ENPP6: variants seen among roughly 807,000 people sequenced by gnomAD.
ENPP6 encodes glycerophosphocholine cholinephosphodiesterase ENPP6.
In ENPP6, 32 loss-of-function variants were observed where a neutral mutation model predicts 42.0. That is an observed-to-expected ratio of 0.76 (90% confidence interval 0.58 to 1.02). The LOEUF is 1.02. Among genes scored for constraint, ENPP6 ranks in the 50% least tolerant of loss-of-function variants. The probability of loss-of-function intolerance (pLI) is 0.00; values close to 1 mark genes in which losing one functional copy is unlikely to be tolerated. For synonymous variants in ENPP6, 213 were observed against 216.0 expected, an observed-to-expected ratio of 0.99 and a Z score of 0.12; for missense variants, 552 against 566.8, an observed-to-expected ratio of 0.97 and a Z score of 0.27.
chr4:184,108,454 A>C (rs151173665), intron 6 of ENPP6, among the ~76,000 whole-genome samples: 1 of 152,350 alleles, frequency 6.6e-6, no homozygotes, highest in African/African-American at 2.4e-5. Context: ...ACAACGCAGA[A>C]ACGAGGATAT....
intron 1 of ENPP6, among the ~76,000 whole-genome samples, chr4:184,173,856 G>A (rs1351332764): frequency 5.9e-5 from 9 of 152,190 alleles, no homozygotes; most frequent in East Asian, 1.9e-4. Context: ...AATGAAACAC[G>A]TCACCACAGG....
chr4:184,181,563 A>G (rs1732551358), intron 1 of ENPP6, among the ~76,000 whole-genome samples: 1 of 152,236 alleles, frequency 6.6e-6, no homozygotes, highest in African/African-American at 2.4e-5. Flanking sequence ...AGACAATCCT[A>G]AGCAAAAAGA....
chr4:184,113,487 T>A (rs1480228678), intron 5 of ENPP6, among the ~76,000 whole-genome samples: 1 of 152,220 alleles, frequency 6.6e-6, no homozygotes, highest in African/African-American at 2.4e-5. Context: ...GTGTTCTGAG[T>A]ATAAAGGGTC....
rs761326877 is a variant in ENPP6, at chr4:184,116,979, G to A, written c.732C>T (p.Thr244=). The change falls in exon 5 of 8, where the codon ACC becomes ACT. Residue 244 remains threonine (T), a synonymous_variant. Coordinates refer to ENST00000296741, the MANE Select transcript of ENPP6 (RefSeq NM_153343.4). ...TCACTTTGTCCATCCAGAAAATGTC[G>A]GTCATTCCGTGATCCGAGAAAATAA... is the stretch of plus-strand genomic sequence containing the variant. ...NVIIFSDHGM[T]DIFWMDKVIE... is the part of the protein sequence containing the mutation. 1.9e-5 allele frequency: 30 copies of A among 1,613,988 alleles called. No individual in the cohort carries two copies. The highest frequency in any genetic ancestry group is 1.6e-4 in the Middle Eastern group (1 of 6,084).
intron 1 of ENPP6, among the ~76,000 whole-genome samples, chr4:184,157,928 C>G (rs1737201109): frequency 6.6e-6 from 1 of 152,058 alleles, no homozygotes; most frequent in Non-Finnish European, 1.5e-5. Context: ...CCAAGTTTCT[C>G]TTTAACAGTG....
At chr4:184,155,726 T>C (rs1350705669) in intron 1 of ENPP6, among the ~76,000 whole-genome samples, 2 of 152,194 alleles carry the variant, frequency 1.3e-5, no homozygotes, top group African/African-American at 2.4e-5. Context: ...CTTCACATGA[T>C]GTAGTTTTCA....
At chr4:184,131,173 C>CTTTCTTTCTTTCTT (rs1736609350) in intron 2 of ENPP6, among the ~76,000 whole-genome samples, 2 of 59,132 alleles carry the variant, frequency 3.4e-5, no homozygotes, top group African/African-American at 1.5e-4. Context: ...TTCTTTCTTT[C>CTTTCTTTCTTTCTT]TTTCTTTCTT....
chr4:184,128,372 G>A (rs1736539223), intron 2 of ENPP6, among the ~76,000 whole-genome samples: 1 of 152,126 alleles, frequency 6.6e-6, no homozygotes, highest in African/African-American at 2.4e-5. Context: ...GTAGACACGA[G>A]GTTTCACCAT....
intron 5 of ENPP6, 48 bp downstream of exon 5, chr4:184,116,808 C>T: frequency 1.9e-6 from 3 of 1,603,144 alleles, no homozygotes; most frequent in Non-Finnish European, 2.6e-6. Context: ...GATGGCAACA[C>T]ACGAGGGCCC....
chr4:184,207,078 C>T (rs1733014222), intron 1 of ENPP6, among the ~76,000 whole-genome samples: 1 of 152,248 alleles, frequency 6.6e-6, no homozygotes, highest in Admixed American at 6.5e-5. Flanking sequence ...TCTGCCACGA[C>T]GTTCTTTGGT....
chr4:184,162,586 A>AG, intron 1 of ENPP6, among the ~76,000 whole-genome samples: 1 of 151,692 alleles, frequency 6.6e-6, no homozygotes, highest in African/African-American at 2.4e-5. Flanking sequence ...AAAGGAAGGA[A>AG]GAGAGGGAGG....
At chr4:184,107,090 G>T (rs775535156) in intron 6 of ENPP6, among the ~76,000 whole-genome samples, 3 of 152,196 alleles carry the variant, frequency 2.0e-5, no homozygotes, top group Non-Finnish European at 4.4e-5. Context: ...CTGGGGGAGG[G>T]AGTGGCAGGG....
chr4:184,129,579 G>T (rs1034836025), intron 2 of ENPP6, among the ~76,000 whole-genome samples: 2 of 152,092 alleles, frequency 1.3e-5, no homozygotes, highest in African/African-American at 2.4e-5. Flanking sequence ...TGGTCTACAT[G>T]CTTTGCCTAG....
chr4:184,164,728 C>T (rs927149669), intron 1 of ENPP6, among the ~76,000 whole-genome samples: 1 of 152,204 alleles, frequency 6.6e-6, no homozygotes, highest in Non-Finnish European at 1.5e-5. Flanking sequence ...AAAGGAATTC[C>T]ACATTTCGTC....
intron 1 of ENPP6, among the ~76,000 whole-genome samples, chr4:184,191,031 T>C (rs191229517): frequency 6.6e-5 from 10 of 152,362 alleles, no homozygotes; most frequent in African/African-American, 2.4e-4. Flanking sequence ...GTGGCTCATG[T>C]ACTATGGGTG....
At chr4:184,173,473 C>A (rs541588752) in intron 1 of ENPP6, among the ~76,000 whole-genome samples, 1 of 152,126 alleles carries the variant, frequency 6.6e-6, no homozygotes, top group African/African-American at 2.4e-5. Context: ...AGGTTGAATT[C>A]GACGACCAAG....
At chr4:184,180,922 T>C (rs1732542158) in intron 1 of ENPP6, among the ~76,000 whole-genome samples, 1 of 152,204 alleles carries the variant, frequency 6.6e-6, no homozygotes, top group Non-Finnish European at 1.5e-5. Flanking sequence ...GGGCAAAAAC[T>C]GGAAGCATTC....
intron 5 of ENPP6, among the ~76,000 whole-genome samples, chr4:184,116,051 TA>T (rs1006432047): frequency 1.7e-3 from 244 of 142,042 alleles, no homozygotes; most frequent in Non-Finnish European, 1.6e-3. Flanking sequence ...CCGTCTCTAC[TA>T]AAAAAAAAAA....
intron 2 of ENPP6, among the ~76,000 whole-genome samples, chr4:184,124,628 A>G (rs1181477688): frequency 1.3e-5 from 2 of 152,246 alleles, no homozygotes; most frequent in African/African-American, 2.4e-5. Context: ...TAAGTCTTTC[A>G]TGAAAACAAA....
Sources: gnomAD v4.1 joint callset for allele counts (sites outside exome capture counted in the v4.1 genomes callset) on GRCh38, gnomAD v4.1.1 for gene constraint, MANE v1.5 for transcripts, NCBI Gene and HGNC (gene_info 2026-07-23, HGNC 2026-07-21) for gene names.